The following TCERG1L variants were observed in gnomAD, a reference collection of about 807,000 sequenced individuals.
TCERG1L encodes the protein transcription elongation regulator 1-like protein.
Under a neutral mutation model 56.3 loss-of-function variants are expected in TCERG1L, and 37 were observed. The ratio of observed to expected loss-of-function variants is 0.66; its 90% CI spans 0.51 to 0.87. The LOEUF (loss-of-function observed/expected upper bound fraction) is 0.87, where lower values mean the gene tolerates loss of function less well. Ranked by LOEUF, TCERG1L falls within the 40% of genes least tolerant of loss-of-function variation. TCERG1L has a pLI of 0.00. For missense variants in TCERG1L, 799 were observed against 774.2 expected (o/e 1.03, Z -0.38); for synonymous variants, 324 against 326.3 (o/e 0.99, Z 0.08).
Position 131,285,994 on chromosome 10 carries a change from C to T in TCERG1L, c.670+22217G>A, listed in dbSNP as rs548627357. On this transcript the variant is annotated intron_variant, in intron 3 of 11. Transcript: ENST00000368642. The stretch of plus-strand genomic sequence containing the variant: ...CAGCATGGGGTACCAGCCATCACTA[C>T]CACATCACACACTGTACTGAAAGTT... Among the ~76,000 whole-genome samples the T allele has an allele frequency of 1.6e-4, 24 of 152,234 alleles. 1 individual carries two copies. The South Asian group carries it at 4.4e-3, about 28-fold the overall frequency.
chr10:131,215,020 G>T (rs1845655203), intron 4 of TCERG1L, among the ~76,000 whole-genome samples: 1 of 152,172 alleles, frequency 6.6e-6, no homozygotes, highest in South Asian at 2.1e-4. Context: ...TCAGAGCTAG[G>T]CTGGGCGGTT....
chr10:131,237,843 T>C (rs1241393588), intron 4 of TCERG1L, among the ~76,000 whole-genome samples: 3 of 152,176 alleles, frequency 2.0e-5, no homozygotes, highest in Non-Finnish European at 1.5e-5. Context: ...GTTGCAAGTC[T>C]TCGTGTTCTT....
intron 6 of TCERG1L, among the ~76,000 whole-genome samples, chr10:131,147,170 C>T (rs1845804640): frequency 6.6e-6 from 1 of 152,168 alleles, no homozygotes; most frequent in East Asian, 1.9e-4. Flanking sequence ...TCATTAGCAA[C>T]CACAGCCCCG....
intron 3 of TCERG1L, among the ~76,000 whole-genome samples, chr10:131,285,241 G>A (rs188692095): frequency 1.3e-3 from 204 of 151,980 alleles, no homozygotes; most frequent in African/African-American, 4.7e-3. Flanking sequence ...AGCCAGGTGT[G>A]GTGGCTCATG....
chr10:131,101,977 C>T (rs1182752778), intron 10 of TCERG1L, among the ~76,000 whole-genome samples: 3 of 152,304 alleles, frequency 2.0e-5, no homozygotes, highest in Admixed American at 6.5e-5. Flanking sequence ...GCTGGGATTA[C>T]AGGCATGAGC....
chr10:131,180,360 CTGCAAATT>C (rs1189184101), intron 4 of TCERG1L, among the ~76,000 whole-genome samples: 2 of 152,208 alleles, frequency 1.3e-5, no homozygotes, highest in African/African-American at 2.4e-5. Context: ...GCAGGGAGCT[CTGCAAATT>C]ACAAACTCTA....
chr10:131,112,515 C>T (rs1414287476), intron 9 of TCERG1L, among the ~76,000 whole-genome samples: 3 of 142,436 alleles, frequency 2.1e-5, no homozygotes, highest in South Asian at 2.6e-4. Flanking sequence ...CCCCACTCTG[C>T]GGCCCTCTTC....
intron 4 of TCERG1L, among the ~76,000 whole-genome samples, chr10:131,211,195 C>T (rs2133488184): frequency 1.3e-5 from 2 of 152,340 alleles, no homozygotes; most frequent in South Asian, 4.1e-4. Flanking sequence ...CTGGAGGCAC[C>T]GTGGCTCTGG....
chr10:131,224,478 G>A (rs1339997983), intron 4 of TCERG1L, among the ~76,000 whole-genome samples: 4 of 152,228 alleles, frequency 2.6e-5, no homozygotes, highest in Non-Finnish European at 4.4e-5. Context: ...GACCCAGGGA[G>A]TCAGGGGTTT....
intron 4 of TCERG1L, among the ~76,000 whole-genome samples, chr10:131,205,282 T>G (rs1036808806): frequency 6.6e-6 from 1 of 151,628 alleles, no homozygotes; most frequent in African/African-American, 2.4e-5. Context: ...ACAAATCAGA[T>G]GCATCCCAAC....
chr10:131,310,985 T>C (rs1312362589), intron 1 of TCERG1L, among the ~76,000 whole-genome samples: 1 of 152,212 alleles, frequency 6.6e-6, no homozygotes, highest in Admixed American at 6.5e-5. Flanking sequence ...CACCTCGCGA[T>C]GGACAGTGAC....
At chr10:131,194,521 G>T (rs920300146) in intron 4 of TCERG1L, among the ~76,000 whole-genome samples, 14 of 152,136 alleles carry the variant, frequency 9.2e-5, no homozygotes, top group African/African-American at 3.1e-4. Context: ...CAGTTTCCAT[G>T]CCTCAAATTT....
intron 8 of TCERG1L, among the ~76,000 whole-genome samples, chr10:131,131,676 T>A (rs1433032764): frequency 6.6e-6 from 1 of 152,130 alleles, no homozygotes; most frequent in African/African-American, 2.4e-5. Context: ...GCCCAAAATG[T>A]GTATCGATTA....
chr10:131,190,421 A>AGC lies in TCERG1L; in HGVS notation c.857-23537_857-23536insGC, dbSNP rs1357510566. Reference sequence around the variant, plus strand: ...CAAGGAGGCCTCCCTAAATCATTCTATGAAGCTAGTATCACCCTTTTACCA... The same window carrying AGC: ...CAAGGAGGCCTCCCTAAATCATTCTAGCTGAAGCTAGTATCACCCTTTTACCA... On this transcript the variant is annotated intron_variant, in intron 4 of 11. Coordinates refer to ENST00000368642, the MANE Select transcript of TCERG1L (RefSeq NM_174937.4). Among the ~76,000 whole-genome samples the AGC allele has an allele frequency of 8.1e-3, 1,193 of 146,432 alleles. 39 individuals are homozygous for AGC. The highest frequency in any genetic ancestry group is 0.015 in the Middle Eastern group (4 of 274).
intron 11 of TCERG1L, among the ~76,000 whole-genome samples, chr10:131,097,912 T>C (rs1335436613): frequency 6.6e-6 from 1 of 152,176 alleles, no homozygotes; most frequent in Non-Finnish European, 1.5e-5. Flanking sequence ...ATGGTGCTGT[T>C]GTTTGTAGTC....
chr10:131,300,611 C>T (rs7080505), intron 3 of TCERG1L, among the ~76,000 whole-genome samples: 68,367 of 151,970 alleles, frequency 0.45, 16,310 homozygotes, highest in East Asian at 0.67. Context: ...TGTTCATTCA[C>T]GTTGCTCTCC....
At chr10:131,167,027 C>T in intron 4 of TCERG1L, 142 bp from the exon 5 acceptor site, 1 of 704,416 alleles carries the variant, frequency 1.4e-6, no homozygotes, top group Admixed American at 2.9e-5. Context: ...TGGCATTGCC[C>T]TGTCCTTGGG....
chr10:131,148,290 T>A (rs1323910931), intron 6 of TCERG1L, among the ~76,000 whole-genome samples: 1 of 151,582 alleles, frequency 6.6e-6, no homozygotes, highest in South Asian at 2.1e-4. Context: ...GAGGCAGAGG[T>A]GTTTCACACA....
rs185308453 is a variant in TCERG1L, at chr10:131,178,993, G to A, written c.857-12108C>T. 6.3e-3 allele frequency among the ~76,000 whole-genome samples: 962 copies of A among 152,356 alleles called. 39 individuals carry two copies. Among genetic ancestry groups the A allele is most frequent in the Admixed American group, 0.056 (850 of 15,310 alleles). On this transcript the variant is annotated intron_variant, in intron 4 of 11. Coordinates refer to ENST00000368642, the MANE Select transcript of TCERG1L (RefSeq NM_174937.4). Reference sequence around the variant, plus strand: ...GGGACACACTCCTACGTGTCATCACGGAGGGTTCCGTCTCATGATGGCACC... The same window carrying A: ...GGGACACACTCCTACGTGTCATCACAGAGGGTTCCGTCTCATGATGGCACC...
Sources: gnomAD v4.1 joint callset for allele counts (sites outside exome capture counted in the v4.1 genomes callset) on GRCh38, gnomAD v4.1.1 for gene constraint, MANE v1.5 for transcripts, NCBI Gene and HGNC (gene_info 2026-07-23, HGNC 2026-07-21) for gene names.